RRAS2: variants seen among roughly 807,000 people sequenced by gnomAD.
RRAS2 encodes ras-related protein R-Ras2.
A neutral mutation model predicts 27.6 loss-of-function variants in RRAS2; 7 were observed. The observed-to-expected ratio is 0.25, with a 90% CI of 0.14 to 0.48. RRAS2 has a LOEUF of 0.48. Ranked by LOEUF, RRAS2 falls within the 20% of genes least tolerant of loss-of-function variation. RRAS2 has a pLI of 0.99. For missense variants in RRAS2, 178 were observed against 256.2 expected (o/e 0.69, Z 2.08); for synonymous variants, 86 against 90.9 (o/e 0.95, Z 0.31).
At chr11:14,329,068 T>TAC (rs200695347) in intron 1 of RRAS2, among the ~76,000 whole-genome samples, 43,968 of 141,516 alleles carry the variant, frequency 0.31, 6,890 homozygotes, top group Admixed American at 0.37. Context: ...CACATATACA[T>TAC]ACACACACAC....
chr11:14,348,725 T>G (rs1366802482), intron 1 of RRAS2, among the ~76,000 whole-genome samples: 1 of 152,184 alleles, frequency 6.6e-6, no homozygotes, highest in Non-Finnish European at 1.5e-5. Context: ...TACAAGATGC[T>G]CCAAGCATAT....
chr11:14,295,733 A>G, intron 2 of RRAS2, 35 bp downstream of exon 2: 3 of 1,505,074 alleles, frequency 2.0e-6, no homozygotes, highest in South Asian at 1.2e-5. Flanking sequence ...AAAAAATATG[A>G]TATGCAAATT....
At chr11:14,346,498 G>T (rs1848833144) in intron 1 of RRAS2, among the ~76,000 whole-genome samples, 1 of 152,130 alleles carries the variant, frequency 6.6e-6, no homozygotes, top group Non-Finnish European at 1.5e-5. Context: ...AACAAATAAA[G>T]CAGGACCTCT....
intron 1 of RRAS2, among the ~76,000 whole-genome samples, chr11:14,335,785 C>G (rs1386190981): frequency 3.3e-5 from 5 of 152,046 alleles, no homozygotes; most frequent in African/African-American, 1.2e-4. Flanking sequence ...CAACATATAT[C>G]CCAGAGTTGG....
At chr11:14,338,504 A>G (rs1848633208) in intron 1 of RRAS2, among the ~76,000 whole-genome samples, 1 of 152,208 alleles carries the variant, frequency 6.6e-6, no homozygotes, top group African/African-American at 2.4e-5. Flanking sequence ...ATTTTTAATA[A>G]TTCTGTTCAT....
At chr11:14,332,326 A>G (rs1349091426) in intron 1 of RRAS2, among the ~76,000 whole-genome samples, 3 of 152,156 alleles carry the variant, frequency 2.0e-5, no homozygotes, top group Non-Finnish European at 4.4e-5. Flanking sequence ...ATGAAATACT[A>G]CCAAACAATA....
chr11:14,351,538 C>T (rs997794468), intron 1 of RRAS2, among the ~76,000 whole-genome samples: 6 of 152,126 alleles, frequency 3.9e-5, no homozygotes, highest in Non-Finnish European at 5.9e-5. Flanking sequence ...AATAGCCTGG[C>T]CAACACGGTG....
At chr11:14,294,663 T>C in intron 3 of RRAS2, 84 bp from the exon 4 acceptor site, 1 of 1,475,972 alleles carries the variant, frequency 6.8e-7, no homozygotes, top group Non-Finnish European at 9.3e-7. Context: ...ATTAGTACTT[T>C]ATTTTTCCTT....
At chr11:14,314,411 T>C (rs1278376695) in intron 1 of RRAS2, among the ~76,000 whole-genome samples, 3 of 152,100 alleles carry the variant, frequency 2.0e-5, no homozygotes, top group African/African-American at 7.2e-5. Flanking sequence ...ATCAACCAAA[T>C]CCTCAATTTT....
chr11:14,347,136 T>C (rs1166746337), intron 1 of RRAS2, among the ~76,000 whole-genome samples: 1 of 152,164 alleles, frequency 6.6e-6, no homozygotes, highest in African/African-American at 2.4e-5. Flanking sequence ...GCACTCCCGC[T>C]TGGACAACAG....
chr11:14,308,737 G>C (rs1273862891), intron 1 of RRAS2, among the ~76,000 whole-genome samples: 3 of 152,104 alleles, frequency 2.0e-5, no homozygotes, highest in African/African-American at 7.2e-5. Context: ...TTTTTACAAG[G>C]AGTAAAACGT....
Position 14,313,372 on chromosome 11 carries a change from C to A in RRAS2, c.109-17517G>T, listed in dbSNP as rs1024016247. On this transcript the variant is annotated intron_variant, in intron 1 of 5. Transcript: ENST00000256196. The stretch of plus-strand genomic sequence containing the variant: ...ACATTTATATGCATATAATATAGGT[C>A]AGATTCTATAGCTATTATTGCATTT... 2.6e-5 allele frequency among the ~76,000 whole-genome samples: 4 copies of A among 152,284 alleles called. No homozygotes were observed. In the South Asian group the frequency reaches 8.3e-4, roughly 32 times the overall value.
intron 1 of RRAS2, among the ~76,000 whole-genome samples, chr11:14,322,417 G>T (rs1554950405): frequency 6.6e-6 from 1 of 151,730 alleles, no homozygotes; most frequent in African/African-American, 2.4e-5. Context: ...TCCAGCCTGG[G>T]TGACAATGTG....
chr11:14,347,314 T>C (rs1328972952), intron 1 of RRAS2, among the ~76,000 whole-genome samples: 1 of 152,244 alleles, frequency 6.6e-6, no homozygotes, highest in Non-Finnish European at 1.5e-5. Flanking sequence ...TATTAACTAT[T>C]GTAATTGTAA....
chr11:14,358,975 C>A lies in RRAS2; in HGVS notation c.-105G>T. On this transcript the variant is annotated 5_prime_UTR_variant, in exon 1 of 6. Transcript: ENST00000256196. This position sits in a 1 kb window ranked among gnomAD's most constrained non-coding sequence, Gnocchi z 5.1. ...GGCCGGCGGGCTGCGGGCGAGCGGC[C>A]GGGCTGGGGTCCCGGGTACCGGGAG... 6.1e-6 allele frequency: 7 copies of A among 1,148,802 alleles called. No homozygotes were observed. The highest frequency in any genetic ancestry group is 7.5e-6 in the Non-Finnish European group (7 of 935,470). 71.2% of individuals were successfully genotyped at this position (1,148,802 alleles called of 1,614,324 possible).
chr11:14,316,210 G>T lies in RRAS2; in HGVS notation c.109-20355C>A, dbSNP rs1438514535. ...TCGCACAGTGCAATATCCAAAAGATGCTCAAAAAATAGCCTGTCATAAATA... is the reference window on the plus strand; with the variant it reads ...TCGCACAGTGCAATATCCAAAAGATTCTCAAAAAATAGCCTGTCATAAATA... On this transcript the variant is annotated intron_variant, in intron 1 of 5. Transcript: ENST00000256196. 2.6e-5 allele frequency among the ~76,000 whole-genome samples: 4 copies of T among 152,046 alleles called. No individual in the cohort carries two copies. The East Asian group carries it at 7.7e-4, about 29-fold the overall frequency.
At chr11:14,284,359 A>C (rs1346997522) in intron 4 of RRAS2, among the ~76,000 whole-genome samples, 2 of 152,198 alleles carry the variant, frequency 1.3e-5, no homozygotes, top group Non-Finnish European at 2.9e-5. Context: ...TTAATTTCCA[A>C]GTTAATTCTA....
At chr11:14,329,599 G>A (rs1245673654) in intron 1 of RRAS2, among the ~76,000 whole-genome samples, 1 of 152,124 alleles carries the variant, frequency 6.6e-6, no homozygotes, top group East Asian at 1.9e-4. Context: ...CTCAACACCT[G>A]GATCTGATTC....
intron 1 of RRAS2, among the ~76,000 whole-genome samples, chr11:14,340,514 T>C (rs4756788): frequency 0.12 from 18,426 of 152,124 alleles, 1,447 homozygotes; most frequent in East Asian, 0.24. Flanking sequence ...TTAAAAAGTC[T>C]TAACAGACCA....
Sources: allele counts gnomAD v4.1 joint callset (sites outside exome capture counted in the v4.1 genomes callset), GRCh38; gene constraint gnomAD v4.1.1; non-coding constraint Gnocchi (gnomAD v3.1); transcripts MANE v1.5; gene names NCBI Gene and HGNC (gene_info 2026-07-23, HGNC 2026-07-21).